The following SH3RF3 variants were observed in gnomAD, a reference collection of about 807,000 sequenced individuals.
The protein encoded by SH3RF3 is E3 ubiquitin-protein ligase SH3RF3.
SH3RF3 carries 29 observed loss-of-function variants against 66.3 expected under a neutral mutation model. The observed-to-expected ratio is 0.44, with a 90% CI of 0.33 to 0.60. The LOEUF (loss-of-function observed/expected upper bound fraction) is 0.60. Ranked by LOEUF, SH3RF3 falls within the 20% of genes least tolerant of loss-of-function variation. The pLI is 0.04. For synonymous variants in SH3RF3, 583 were observed against 532.0 expected, an observed-to-expected ratio of 1.10 and a Z score of -1.32; for missense variants, 1,194 against 1,190.9, an observed-to-expected ratio of 1.00 and a Z score of -0.04.
At chr2:109,182,917 C>T (rs2104990307) in intron 1 of SH3RF3, among the ~76,000 whole-genome samples, 1 of 152,230 alleles carries the variant, frequency 6.6e-6, no homozygotes, top group East Asian at 1.9e-4. Context: ...CATAAAATAA[C>T]TTAAACGTTT....
chr2:109,444,380 T>C (rs958071504), intron 7 of SH3RF3, among the ~76,000 whole-genome samples: 1 of 152,246 alleles, frequency 6.6e-6, no homozygotes, highest in Admixed American at 6.5e-5. Flanking sequence ...GCTGAAGCAC[T>C]GGCCTACTGG....
At chr2:109,479,833 A>G (rs1416677702) in intron 8 of SH3RF3, among the ~76,000 whole-genome samples, 1 of 152,158 alleles carries the variant, frequency 6.6e-6, no homozygotes, top group Non-Finnish European at 1.5e-5. Context: ...ACCACTGATG[A>G]AGACCCCGGG....
At chr2:109,215,700 G>C (rs1038651581) in intron 1 of SH3RF3, among the ~76,000 whole-genome samples, 5 of 152,166 alleles carry the variant, frequency 3.3e-5, no homozygotes, top group South Asian at 2.1e-4. Context: ...CCTACACCCA[G>C]ACCGTGTGAC....
chr2:109,375,691 G>T (rs916483942), intron 3 of SH3RF3, among the ~76,000 whole-genome samples: 40 of 152,380 alleles, frequency 2.6e-4, no homozygotes, highest in African/African-American at 8.2e-4. Context: ...GTCATCCAGA[G>T]TTCTGCCCTC....
At chr2:109,474,967 T>A (rs1484747573) in intron 8 of SH3RF3, among the ~76,000 whole-genome samples, 3 of 151,434 alleles carry the variant, frequency 2.0e-5, no homozygotes, top group African/African-American at 7.3e-5. Context: ...TGTTTGGGTT[T>A]TTTTTGTTTG....
chr2:109,170,261 T>TCTCTTCTC (rs1462125466), intron 1 of SH3RF3, among the ~76,000 whole-genome samples: 2 of 55,266 alleles, frequency 3.6e-5, no homozygotes, highest in Middle Eastern at 6.9e-3. Context: ...TCTCTTCTCT[T>TCTCTTCTC]CTCTTCTCTT....
intron 1 of SH3RF3, among the ~76,000 whole-genome samples, chr2:109,188,378 T>C (rs542852257): frequency 6.6e-6 from 1 of 152,264 alleles, no homozygotes; most frequent in East Asian, 1.9e-4. Context: ...ACCTCCAGGG[T>C]TGCATGGGAG....
chr2:109,363,781 A>T (rs1048874772), intron 2 of SH3RF3, among the ~76,000 whole-genome samples: 1 of 151,878 alleles, frequency 6.6e-6, no homozygotes, highest in Non-Finnish European at 1.5e-5. Context: ...TAAATATTTT[A>T]CTCCACTCTC....
At chr2:109,185,785 A>G (rs934289) in intron 1 of SH3RF3, among the ~76,000 whole-genome samples, 124,253 of 152,210 alleles carry the variant, frequency 0.82, 50,847 homozygotes, top group East Asian at 0.89. Flanking sequence ...AACTTGGCAC[A>G]CTAATACTTC....
intron 8 of SH3RF3, among the ~76,000 whole-genome samples, chr2:109,462,633 G>A (rs1678236172): frequency 6.6e-6 from 1 of 152,224 alleles, no homozygotes; most frequent in Admixed American, 6.5e-5. Context: ...TTCTGAAATA[G>A]AGGCAGGTTA....
At chr2:109,434,469 C>A (rs759871791) in intron 6 of SH3RF3, among the ~76,000 whole-genome samples, 1 of 152,234 alleles carries the variant, frequency 6.6e-6, no homozygotes. Context: ...ATTGGGACAT[C>A]GCCTGGCCGG....
chr2:109,306,997 A>G (rs1249910252), intron 1 of SH3RF3, among the ~76,000 whole-genome samples: 1 of 152,238 alleles, frequency 6.6e-6, no homozygotes, highest in East Asian at 1.9e-4. Flanking sequence ...CACAGGTAAC[A>G]TAATTGAGGG....
chr2:109,493,441 G>T (rs1309500332), intron 9 of SH3RF3, among the ~76,000 whole-genome samples: 2 of 148,146 alleles, frequency 1.4e-5, no homozygotes, highest in Non-Finnish European at 3.0e-5. Context: ...CTACACACAT[G>T]TGCAAACACA....
At chr2:109,209,843 A>G (rs766987564) in intron 1 of SH3RF3, among the ~76,000 whole-genome samples, 2 of 152,220 alleles carry the variant, frequency 1.3e-5, no homozygotes, top group African/African-American at 2.4e-5. Flanking sequence ...CAAAACATAT[A>G]TTACATAAAT....
chr2:109,226,496 A>T (rs1196537548), intron 1 of SH3RF3, among the ~76,000 whole-genome samples: 1 of 152,204 alleles, frequency 6.6e-6, no homozygotes, highest in Non-Finnish European at 1.5e-5. Context: ...ACATAAACCA[A>T]AAATAAACTG....
At chr2:109,305,938 C>T (rs1248306844) in intron 1 of SH3RF3, among the ~76,000 whole-genome samples, 1 of 152,236 alleles carries the variant, frequency 6.6e-6, no homozygotes, top group East Asian at 1.9e-4. Context: ...GCTGCTCCTC[C>T]AGCTGCCCCT....
At chr2:109,130,248 C>A (rs1327767879) in intron 1 of SH3RF3, 135 bp downstream of exon 1, 2 of 874,642 alleles carry the variant, frequency 2.3e-6, no homozygotes, top group African/African-American at 1.7e-5. Context: ...TGTTGCTCTT[C>A]CTCCAACTTC....
intron 1 of SH3RF3, among the ~76,000 whole-genome samples, chr2:109,336,065 C>A (rs184511772): frequency 1.3e-5 from 2 of 152,308 alleles, no homozygotes; most frequent in East Asian, 3.9e-4. Flanking sequence ...GCATTCCTCT[C>A]CCTACATTTT....
intron 8 of SH3RF3, among the ~76,000 whole-genome samples, chr2:109,477,653 G>A (rs945715765): frequency 6.6e-6 from 1 of 151,788 alleles, no homozygotes; most frequent in African/African-American, 2.4e-5. Context: ...TTGGTGAGGG[G>A]TGTCAGCAAC....
Sources: gnomAD v4.1 joint callset for allele counts (sites outside exome capture counted in the v4.1 genomes callset) on GRCh38, gnomAD v4.1.1 for gene constraint, MANE v1.5 for transcripts, NCBI Gene and HGNC (gene_info 2026-07-23, HGNC 2026-07-21) for gene names.